SPRED2: variants seen among roughly 807,000 people sequenced by gnomAD.
The protein encoded by SPRED2 is sprouty-related, EVH1 domain-containing protein 2.
A neutral mutation model predicts 43.0 loss-of-function variants in SPRED2; 47 were observed. The observed-to-expected ratio is 1.09, with a 90% CI of 0.87 to 1.40. The LOEUF is 1.40. Among genes scored for constraint, SPRED2 ranks in the 40% most tolerant of loss-of-function variants. SPRED2 has a pLI of 0.00. For missense variants in SPRED2, 561 were observed against 586.4 expected, an observed-to-expected ratio of 0.96 and a Z score of 0.45; for synonymous variants, 225 against 225.7, an observed-to-expected ratio of 1.00 and a Z score of 0.03.
chr2:65,351,671 AT>A (rs1390193973), intron 1 of SPRED2, among the ~76,000 whole-genome samples: 1 of 152,204 alleles, frequency 6.6e-6, no homozygotes, highest in African/African-American at 2.4e-5. Context: ...TCATCGAATT[AT>A]ATGTTTAAAA....
chr2:65,396,916 G>A (rs1314063200), intron 1 of SPRED2, among the ~76,000 whole-genome samples: 2 of 152,034 alleles, frequency 1.3e-5, no homozygotes, highest in African/African-American at 2.4e-5. Flanking sequence ...TTCTAACCAG[G>A]CCTGTCTGCT....
At chr2:65,309,845 G>A (rs1016640622), downstream of SPRED2, among the ~76,000 whole-genome samples, 49 of 152,176 alleles carry the variant, frequency 3.2e-4, 1 homozygote, top group Admixed American at 9.8e-4. Context: ...GCTCTTGACT[G>A]TCGCCCACTT....
At position 65,313,470 on chromosome 2, in the gene SPRED2, G is replaced by A. The variant is rs987985886; in HGVS notation, c.*31C>T. ...GTAAGAGACGAGTTCCCCTGTGGCT[G>A]CGGATGGAGGGAGAAGGGAGGGAAA... On this transcript the variant is annotated 3_prime_UTR_variant, in exon 6 of 6. Coordinates refer to ENST00000356388, the MANE Select transcript of SPRED2 (RefSeq NM_181784.3). 5 of 1,570,466 alleles carry A rather than the reference G, an allele frequency of 3.2e-6. No individual in the cohort carries two copies. Among genetic ancestry groups the A allele is most frequent in the Non-Finnish European group, 4.3e-6 (5 of 1,159,666 alleles).
chr2:65,356,518 GCAGTTCCC>G (rs112071612), intron 1 of SPRED2, among the ~76,000 whole-genome samples: 54,790 of 109,836 alleles, frequency 0.5, 16,869 homozygotes, highest in African/African-American at 0.74. Flanking sequence ...TATTTAGAGT[GCAGTTCCC>G]CAGTTCCCTC....
At chr2:65,357,825 C>A (rs940704550) in intron 1 of SPRED2, among the ~76,000 whole-genome samples, 3 of 152,166 alleles carry the variant, frequency 2.0e-5, no homozygotes, top group African/African-American at 7.2e-5. Flanking sequence ...GGTGACCTAA[C>A]CTGACCTAAC....
intron 1 of SPRED2, among the ~76,000 whole-genome samples, chr2:65,358,784 G>A (rs909351876): frequency 2.0e-5 from 3 of 152,222 alleles, no homozygotes; most frequent in Admixed American, 1.3e-4. Context: ...CCCAATCAAC[G>A]TGGAAAAATA....
chr2:65,374,939 G>C (rs1422909185), intron 1 of SPRED2, among the ~76,000 whole-genome samples: 1 of 152,246 alleles, frequency 6.6e-6, no homozygotes, highest in Non-Finnish European at 1.5e-5. Flanking sequence ...TGGGAGAGGG[G>C]AGAGAAGCGG....
intron 1 of SPRED2, among the ~76,000 whole-genome samples, chr2:65,424,716 C>A (rs575050006): frequency 6.6e-6 from 1 of 152,108 alleles, no homozygotes; most frequent in East Asian, 1.9e-4. Flanking sequence ...TCTGGAAGGT[C>A]GAGACAGGAG....
chr2:65,398,525 GA>G (rs60110378), intron 1 of SPRED2, among the ~76,000 whole-genome samples: 3 of 149,116 alleles, frequency 2.0e-5, no homozygotes, highest in Admixed American at 6.7e-5. Flanking sequence ...AACTCAGCGA[GA>G]AAAAAAAAAT....
chr2:65,366,521 AGGCACCAGAAAGGT>A, intron 1 of SPRED2: 1 of 1,482,016 alleles, frequency 6.7e-7, no homozygotes, highest in Admixed American at 2.1e-5. Flanking sequence ...TGCTAAAAGC[AGGCACCAGAAAGGT>A]TAAGAATAAG....
intron 1 of SPRED2, among the ~76,000 whole-genome samples, chr2:65,410,944 G>A (rs1443469434): frequency 6.6e-6 from 1 of 151,990 alleles, no homozygotes; most frequent in Non-Finnish European, 1.5e-5. Context: ...ACTGCCATCG[G>A]GACAGGGGTC....
intron 1 of SPRED2, among the ~76,000 whole-genome samples, chr2:65,397,312 C>A (rs931770194): frequency 7.2e-5 from 11 of 152,278 alleles, no homozygotes; most frequent in Admixed American, 6.5e-4. Flanking sequence ...CCACAGACAG[C>A]GCCAAGTAAT....
chr2:65,416,168 T>C (rs1165122399), intron 1 of SPRED2, among the ~76,000 whole-genome samples: 2 of 152,096 alleles, frequency 1.3e-5, no homozygotes, highest in Non-Finnish European at 2.9e-5. Flanking sequence ...GATGGGAGGA[T>C]GGGGGTGACA....
chr2:65,314,831 G>A (rs1293067307), intron 5 of SPRED2, among the ~76,000 whole-genome samples: 1 of 152,178 alleles, frequency 6.6e-6, no homozygotes, highest in African/African-American at 2.4e-5. Context: ...TCAAGAGACA[G>A]GGGACACTAG....
intron 1 of SPRED2, among the ~76,000 whole-genome samples, chr2:65,401,019 A>G (rs940917459): frequency 2.0e-5 from 3 of 152,008 alleles, no homozygotes; most frequent in African/African-American, 7.3e-5. Flanking sequence ...CTAGGCTGGT[A>G]TGCAGTGGTG....
At chr2:65,321,005 C>T (rs1673392259) in intron 4 of SPRED2, among the ~76,000 whole-genome samples, 1 of 152,220 alleles carries the variant, frequency 6.6e-6, no homozygotes, top group Admixed American at 6.5e-5. Flanking sequence ...TGAAAGCTGT[C>T]ACCTTCAATG....
At chr2:65,322,475 A>G (rs1673461875) in intron 4 of SPRED2, among the ~76,000 whole-genome samples, 1 of 151,496 alleles carries the variant, frequency 6.6e-6, no homozygotes, top group Non-Finnish European at 1.5e-5. Context: ...TCGTATTTTT[A>G]GTAGAGATGG....
chr2:65,318,187 A>G (rs116919117), intron 4 of SPRED2, among the ~76,000 whole-genome samples: 1 of 152,300 alleles, frequency 6.6e-6, no homozygotes, highest in East Asian at 1.9e-4. Flanking sequence ...CATCCGCGTA[A>G]GATGTGACTT....
chr2:65,421,568 G>T (rs1379752257), intron 1 of SPRED2, among the ~76,000 whole-genome samples: 1 of 152,236 alleles, frequency 6.6e-6, no homozygotes, highest in Non-Finnish European at 1.5e-5. Flanking sequence ...AGGTCCAGGT[G>T]AACACAATGC....
Sources: allele counts gnomAD v4.1 joint callset (sites outside exome capture counted in the v4.1 genomes callset), GRCh38; gene constraint gnomAD v4.1.1; transcripts MANE v1.5; gene names NCBI Gene and HGNC (gene_info 2026-07-23, HGNC 2026-07-21).